Variants in CHM observed in about 807,000 individuals in gnomAD.
The protein encoded by CHM is CHM Rab escort protein.
A neutral mutation model predicts 49.0 loss-of-function variants in CHM; 10 were observed. The ratio of observed to expected loss-of-function variants is 0.20; its 90% CI spans 0.13 to 0.35. The LOEUF (loss-of-function observed/expected upper bound fraction) is 0.35. Among genes scored for constraint, CHM ranks in the 10% least tolerant of loss-of-function variants. CHM has a pLI of 1.00. For missense variants in CHM, 455 were observed against 478.4 expected, an observed-to-expected ratio of 0.95 and a Z score of 0.46; for synonymous variants, 184 against 167.5, an observed-to-expected ratio of 1.10 and a Z score of -0.76.
In CHM at chrX:85,970,533, A is replaced by ACT. The variant is rs1466440768; in HGVS notation, c.315-6482_315-6481insAG. On this transcript the variant is annotated intron_variant, in intron 4 of 14. Coordinates refer to ENST00000357749, the MANE Select transcript of CHM (RefSeq NM_000390.4). Reference sequence around the variant, plus strand: ...AATAGCACACGTTTTTGAGTTAGAAAAACACAAGTTCAAATTTGGCTCTGC... The same window carrying ACT: ...AATAGCACACGTTTTTGAGTTAGAAACTAACACAAGTTCAAATTTGGCTCTGC... The ACT allele has an allele frequency of 1.1e-3, 726 of 657,281 alleles. 5 individuals are homozygous for ACT. The African/African-American group carries it at 0.016, about 14-fold the overall frequency. The allele number at this position is 657,281 out of a possible 1,213,427, so 54.2% of individuals were successfully genotyped here.
At chrX:86,015,841 G>A (rs1933276075) in intron 2 of CHM, among the ~76,000 whole-genome samples, 1 of 112,560 alleles carries the variant, frequency 8.9e-6, no homozygotes, top group Non-Finnish European at 1.9e-5. Context: ...GCATTCAAGA[G>A]GTGACTTGGG....
At chrX:86,030,192 G>A (rs1384755380) in intron 1 of CHM, among the ~76,000 whole-genome samples, 2 of 112,306 alleles carry the variant, frequency 1.8e-5, no homozygotes, top group African/African-American at 6.5e-5. Flanking sequence ...TACTGAACAT[G>A]ATTTGAGTCC....
chrX:85,985,537 C>G (rs781405434), intron 2 of CHM, among the ~76,000 whole-genome samples: 127 of 111,926 alleles, frequency 1.1e-3, no homozygotes, highest in African/African-American at 3.9e-3. Context: ...TCCACCAGCA[C>G]ATCACAGCTA....
chrX:85,897,026 T>G (rs1206814870), intron 11 of CHM, among the ~76,000 whole-genome samples: 1 of 95,770 alleles, frequency 1.0e-5, no homozygotes, highest in Non-Finnish European at 2.0e-5. Flanking sequence ...TATAATATAT[T>G]AATTATATAA....
At chrX:85,894,567 T>C (rs1925698080) in intron 11 of CHM, among the ~76,000 whole-genome samples, 1 of 111,741 alleles carries the variant, frequency 8.9e-6, no homozygotes, top group Admixed American at 9.5e-5. Context: ...GAGTAACCAT[T>C]ATCTAAATTC....
intron 1 of CHM, among the ~76,000 whole-genome samples, chrX:86,036,205 AGCT>A (rs1461734198): frequency 9.0e-6 from 1 of 111,294 alleles, no homozygotes; most frequent in East Asian, 2.8e-4. Flanking sequence ...GTTGGGGTAC[AGCT>A]TGGTTTTATA....
At chrX:85,897,957 A>G (rs1259783161) in intron 11 of CHM, among the ~76,000 whole-genome samples, 1 of 111,241 alleles carries the variant, frequency 9.0e-6, no homozygotes, top group Non-Finnish European at 1.9e-5. Flanking sequence ...TAGCACAGGG[A>G]AAAGGAAAAG....
chrX:85,959,126 G>A, intron 5 of CHM, 149 bp from the exon 6 acceptor site: 1 of 768,405 alleles, frequency 1.3e-6, no homozygotes. Flanking sequence ...ATCTATTACA[G>A]GCTCAGAATT....
chrX:85,930,486 G>A (rs188252925), intron 8 of CHM, among the ~76,000 whole-genome samples: 2 of 112,213 alleles, frequency 1.8e-5, no homozygotes, highest in African/African-American at 3.2e-5. Context: ...AACCTCTGAC[G>A]TAGAAAAGGC....
intron 2 of CHM, among the ~76,000 whole-genome samples, chrX:86,021,126 GTATA>G (rs3078128): frequency 0.022 from 1,224 of 55,928 alleles, 42 homozygotes; most frequent in African/African-American, 0.08. Context: ...GTGTATATAC[GTATA>G]TATATATATA....
intron 12 of CHM, among the ~76,000 whole-genome samples, chrX:85,879,949 A>G (rs954802632): frequency 9.1e-6 from 1 of 109,726 alleles, no homozygotes; most frequent in Admixed American, 9.7e-5. Context: ...AGACTACTAG[A>G]ATTTTTTTTT....
intron 4 of CHM, chrX:85,970,853 G>C: frequency 1.8e-6 from 1 of 557,416 alleles, no homozygotes; most frequent in Non-Finnish European, 2.2e-6. Flanking sequence ...ACAAAGCTCT[G>C]ATAAAACAAT....
intron 8 of CHM, among the ~76,000 whole-genome samples, chrX:85,921,933 C>T (rs759193601): frequency 5.4e-5 from 6 of 112,000 alleles, no homozygotes; most frequent in East Asian, 2.8e-4. Flanking sequence ...CACACACACA[C>T]GGGAAGGGGA....
chrX:85,936,745 T>G (rs1928803663), intron 8 of CHM, among the ~76,000 whole-genome samples: 1 of 111,878 alleles, frequency 8.9e-6, no homozygotes, highest in African/African-American at 3.2e-5. Context: ...AAAAACAAAT[T>G]TACACTGGGG....
At chrX:85,959,729 G>A (rs1299014950) in intron 5 of CHM, among the ~76,000 whole-genome samples, 1 of 111,505 alleles carries the variant, frequency 9.0e-6, no homozygotes, top group Non-Finnish European at 1.9e-5. Flanking sequence ...TATCTAGCAT[G>A]TTAACCGTAT....
In CHM at chrX:85,954,050, T is replaced by C. The variant is rs753087599; in HGVS notation, c.1166+2103A>G. 5.3e-4 allele frequency among the ~76,000 whole-genome samples: 59 copies of C among 111,769 alleles called. 1 individual carries two copies. Among genetic ancestry groups the C allele is most frequent in the African/African-American group, 1.9e-3 (57 of 30,726 alleles). On this transcript the variant is annotated intron_variant, in intron 8 of 14. Coordinates refer to ENST00000357749, the MANE Select transcript of CHM (RefSeq NM_000390.4). Reference sequence around the variant, plus strand: ...TAACAAGGAATTAATGACCAGAATATATAAGTAGCTCAAACAACTCTACAG... The same window carrying C: ...TAACAAGGAATTAATGACCAGAATACATAAGTAGCTCAAACAACTCTACAG...
At chrX:86,033,681 A>T (rs1036495736) in intron 1 of CHM, among the ~76,000 whole-genome samples, 86 of 112,090 alleles carry the variant, frequency 7.7e-4, no homozygotes, top group African/African-American at 2.6e-3. Context: ...AAATTCTATA[A>T]TAAATATTTA....
At chrX:85,920,321 C>T (rs1158856794) in intron 8 of CHM, among the ~76,000 whole-genome samples, 1 of 110,843 alleles carries the variant, frequency 9.0e-6, no homozygotes. Context: ...TGGTCTCGAT[C>T]TCCTGTCCTT....
intron 4 of CHM, among the ~76,000 whole-genome samples, chrX:85,975,458 A>G (rs1407053588): frequency 8.9e-6 from 1 of 112,281 alleles, no homozygotes; most frequent in Non-Finnish European, 1.9e-5. Flanking sequence ...ACTGTGGAAT[A>G]CTATTCAGTG....
Sources: gnomAD v4.1 joint callset for allele counts (sites outside exome capture counted in the v4.1 genomes callset) on GRCh38, gnomAD v4.1.1 for gene constraint, MANE v1.5 for transcripts, NCBI Gene and HGNC (gene_info 2026-07-23, HGNC 2026-07-21) for gene names.